Variants in RAPGEF5 observed in about 807,000 individuals in gnomAD.
The protein encoded by RAPGEF5 is M-Ras-regulated GEF.
A neutral mutation model predicts 125.2 loss-of-function variants in RAPGEF5; 65 were observed. That is an observed-to-expected ratio of 0.52 (90% CI 0.43 to 0.64). The LOEUF is 0.64. Ranked by LOEUF, RAPGEF5 falls within the 30% of genes least tolerant of loss-of-function variation. The pLI is 0.00. For synonymous variants in RAPGEF5, 391 were observed against 385.9 expected (o/e 1.01, Z -0.16); for missense variants, 958 against 1,048.1 (o/e 0.91, Z 1.19).
intron 16 of RAPGEF5, 72 bp from the exon 17 acceptor site, chr7:22,154,676 G>T: frequency 6.6e-7 from 1 of 1,526,614 alleles, no homozygotes; most frequent in Non-Finnish European, 8.8e-7. Context: ...CCAAATCAAG[G>T]CACCTTGATC....
At chr7:22,268,731 G>T (rs867273688) in intron 6 of RAPGEF5, among the ~76,000 whole-genome samples, 1 of 152,158 alleles carries the variant, frequency 6.6e-6, no homozygotes, top group African/African-American at 2.4e-5. Flanking sequence ...ACAACGGATC[G>T]AAACCAGTCA....
chr7:22,329,817 A>G (rs1223845701), intron 1 of RAPGEF5, among the ~76,000 whole-genome samples: 1 of 152,186 alleles, frequency 6.6e-6, no homozygotes, highest in Non-Finnish European at 1.5e-5. Flanking sequence ...AAGAACACTC[A>G]GGGGGCCACA....
chr7:22,253,666 T>G (rs1454273143), intron 7 of RAPGEF5, among the ~76,000 whole-genome samples: 1 of 152,214 alleles, frequency 6.6e-6, no homozygotes, highest in East Asian at 1.9e-4. Flanking sequence ...CTATAGCTTT[T>G]TAAGATAACT....
intron 24 of RAPGEF5, among the ~76,000 whole-genome samples, chr7:22,127,472 T>C (rs1006428360): frequency 6.6e-6 from 1 of 152,236 alleles, no homozygotes; most frequent in African/African-American, 2.4e-5. Flanking sequence ...TGGAAGCATA[T>C]ACGTATATGC....
At chr7:22,245,193 T>C (rs1786444062) in intron 7 of RAPGEF5, among the ~76,000 whole-genome samples, 1 of 152,240 alleles carries the variant, frequency 6.6e-6, no homozygotes. Flanking sequence ...TTCAATTCTT[T>C]ATATATGTTG....
intron 1 of RAPGEF5, among the ~76,000 whole-genome samples, chr7:22,338,083 T>C (rs778884059): frequency 1.3e-5 from 2 of 152,254 alleles, no homozygotes; most frequent in African/African-American, 4.8e-5. Flanking sequence ...AAGTCTTCAT[T>C]AGAAGGATAC....
At chr7:22,192,304 A>G (rs1047593934) in intron 11 of RAPGEF5, 2 of 152,388 alleles carry the variant, frequency 1.3e-5, no homozygotes, top group African/African-American at 4.8e-5. Flanking sequence ...TGTAGGATAC[A>G]TGATTAGGTC....
intron 1 of RAPGEF5, among the ~76,000 whole-genome samples, chr7:22,349,619 A>C (rs1784292783): frequency 1.3e-5 from 2 of 152,202 alleles, no homozygotes; most frequent in South Asian, 2.1e-4. Flanking sequence ...TGTATCAATA[A>C]AAATAAATAA....
intron 1 of RAPGEF5, among the ~76,000 whole-genome samples, chr7:22,345,664 T>C (rs1247513321): frequency 1.3e-5 from 2 of 149,770 alleles, no homozygotes; most frequent in Non-Finnish European, 3.0e-5. Context: ...TCATTTGAGA[T>C]ACTCAAGGTA....
chr7:22,145,018 T>A (rs778336777), intron 20 of RAPGEF5, 26 bp downstream of exon 20: 121 of 1,605,710 alleles, frequency 7.5e-5, no homozygotes, highest in Non-Finnish European at 6.6e-5. Context: ...ACTAGAGGAA[T>A]GGCACTTCTC....
intron 4 of RAPGEF5, among the ~76,000 whole-genome samples, chr7:22,309,651 A>G (rs1185223669): frequency 1.3e-5 from 2 of 152,230 alleles, no homozygotes; most frequent in Non-Finnish European, 2.9e-5. Context: ...ACACACTTAG[A>G]GCAACTAAAG....
chr7:22,249,027 T>C (rs569492132), intron 7 of RAPGEF5, among the ~76,000 whole-genome samples: 90 of 152,348 alleles, frequency 5.9e-4, no homozygotes, highest in Non-Finnish European at 1.2e-3. Context: ...CAACTGATTT[T>C]AATAAGTCTT....
At chr7:22,279,104 G>C (rs2128144301) in intron 6 of RAPGEF5, among the ~76,000 whole-genome samples, 1 of 152,172 alleles carries the variant, frequency 6.6e-6, no homozygotes, top group Non-Finnish European at 1.5e-5. Flanking sequence ...TTGTTTTAAA[G>C]AGAAAATTTT....
At chr7:22,152,828 G>T (rs1466368425) in intron 17 of RAPGEF5, among the ~76,000 whole-genome samples, 1 of 152,206 alleles carries the variant, frequency 6.6e-6, no homozygotes, top group Non-Finnish European at 1.5e-5. Flanking sequence ...ATAAAAAGAT[G>T]CAGGCAGAAA....
intron 6 of RAPGEF5, among the ~76,000 whole-genome samples, chr7:22,287,442 C>A (rs1345855434): frequency 6.6e-6 from 1 of 152,164 alleles, no homozygotes; most frequent in Non-Finnish European, 1.5e-5. Flanking sequence ...CCAGGAACTA[C>A]TGGGGTTAAA....
At chr7:22,321,941 T>A (rs1260530287) in intron 1 of RAPGEF5, among the ~76,000 whole-genome samples, 1 of 152,108 alleles carries the variant, frequency 6.6e-6, no homozygotes, top group African/African-American at 2.4e-5. Context: ...CAAAGCTTGG[T>A]CAAGATTACA....
chr7:22,175,783 T>C (rs1784485133), intron 11 of RAPGEF5, among the ~76,000 whole-genome samples: 1 of 152,206 alleles, frequency 6.6e-6, no homozygotes, highest in Non-Finnish European at 1.5e-5. Context: ...ATATGGTTAT[T>C]ACAAGCAAAC....
At chr7:22,356,786 GTGCGCGCC>G in intron 1 of RAPGEF5, 36 bp downstream of exon 1, 1 of 1,083,258 alleles carries the variant, frequency 9.2e-7, no homozygotes, top group Non-Finnish European at 1.1e-6. Context: ...CGGGCTCCAC[GTGCGCGCC>G]GCCCGTGCCC....
chr7:22,189,964 A>G (rs1269851721), intron 11 of RAPGEF5, among the ~76,000 whole-genome samples: 1 of 152,164 alleles, frequency 6.6e-6, no homozygotes, highest in Admixed American at 6.5e-5. Context: ...AGCACTTCCC[A>G]TTGATCTTCT....
Sources: gnomAD v4.1 joint callset for allele counts (sites outside exome capture counted in the v4.1 genomes callset) on GRCh38, gnomAD v4.1.1 for gene constraint, MANE v1.5 for transcripts, NCBI Gene and HGNC (gene_info 2026-07-23, HGNC 2026-07-21) for gene names.